R3HDM1: variants seen among roughly 807,000 people sequenced by gnomAD.
R3HDM1 encodes the protein R3H domain-containing protein 1.
Under a neutral mutation model 141.1 loss-of-function variants are expected in R3HDM1, and 46 were observed. The observed-to-expected ratio is 0.33, with a 90% CI of 0.26 to 0.42. The LOEUF is 0.42. Ranked by LOEUF, R3HDM1 falls within the 10% of genes least tolerant of loss-of-function variation. The probability of loss-of-function intolerance (pLI) is 1.00; values close to 1 mark genes in which losing one functional copy is unlikely to be tolerated. For synonymous variants in R3HDM1, 435 were observed against 472.9 expected (o/e 0.92, Z 1.04); for missense variants, 1,184 against 1,368.3 (o/e 0.87, Z 2.12).
chr2:135,569,718 C>CTTTTTTTT lies in R3HDM1; in HGVS notation c.-249-32779_-249-32772dup, dbSNP rs139858819. On this transcript the variant is annotated intron_variant, in intron 1 of 26. Coordinates refer to ENST00000683871, the MANE Select transcript of R3HDM1 (RefSeq NM_001378107.1). ...GAACATACCTTTCATATAGTAAGCT[C>CTTTTTTTT]TTTTTTTTTTGTTGTTGTTTTTTTT... Among the ~76,000 whole-genome samples the CTTTTTTTT allele has an allele frequency of 1.2e-4, 15 of 129,358 alleles. 1 individual carries two copies. The highest frequency in any genetic ancestry group is 4.7e-4 in the African/African-American group (12 of 25,500). 84.9% of individuals were successfully genotyped at this position (129,358 alleles called of 152,430 possible).
chr2:135,683,899 T>C (rs1414262254), intron 21 of R3HDM1, among the ~76,000 whole-genome samples: 1 of 152,030 alleles, frequency 6.6e-6, no homozygotes, highest in Non-Finnish European at 1.5e-5. Flanking sequence ...ATCTAATTAC[T>C]GAAGCACCAG....
intron 1 of R3HDM1, among the ~76,000 whole-genome samples, chr2:135,547,582 C>A (rs990625801): frequency 2.0e-5 from 3 of 151,566 alleles, no homozygotes; most frequent in African/African-American, 7.3e-5. Context: ...TCTTATGTCC[C>A]GCTCACAGGT....
intron 21 of R3HDM1, among the ~76,000 whole-genome samples, chr2:135,684,724 T>C (rs1372607830): frequency 6.6e-6 from 1 of 152,062 alleles, no homozygotes; most frequent in Non-Finnish European, 1.5e-5. Flanking sequence ...GTGGTGAGTT[T>C]TAGTGAAATA....
intron 3 of R3HDM1, 67 bp downstream of exon 3, chr2:135,605,083 A>G: frequency 7.6e-7 from 1 of 1,313,584 alleles, no homozygotes; most frequent in Non-Finnish European, 1.0e-6. Flanking sequence ...TTATTTTCAT[A>G]CAAAACTCAC....
chr2:135,721,637 G>A lies in R3HDM1; in HGVS notation c.2882-287G>A. The A allele has an allele frequency of 1.1e-5, 3 of 265,554 alleles. No individual in the cohort carries two copies. In the South Asian group the frequency reaches 1.7e-4, roughly 15 times the overall value. The allele number at this position is 265,554 out of a possible 1,614,324, so 16.4% of individuals were successfully genotyped here. ...GTCTCTCACTCCGTCACCCAGTCTG[G>A]AATATAGTGGCGCCATCTCAGCTCA... On this transcript the variant is annotated intron_variant, in intron 24 of 26. Transcript: ENST00000683871.
chr2:135,631,963 G>A lies in R3HDM1; in HGVS notation c.660G>A (p.Gly220=), dbSNP rs1315767060. The part of the protein sequence containing the change: ...FGLDHNVDQS[G]KSVIVNKTSN... ...TAGACCACAATGTTGATCAGAGTGG[G>A]AAGTCTGTCATAGTAAACAAAACTA... The change falls in exon 9 of 27, where the codon GGG becomes GGA. Residue 220 remains glycine (G), a synonymous_variant. Coordinates refer to ENST00000683871, the MANE Select transcript of R3HDM1 (RefSeq NM_001378107.1). 1.2e-6 allele frequency: 2 copies of A among 1,611,564 alleles called. No homozygotes were observed. The highest frequency in any genetic ancestry group is 2.7e-5 in the African/African-American group (2 of 74,848).
intron 18 of R3HDM1, among the ~76,000 whole-genome samples, chr2:135,652,432 G>A (rs2065247861): frequency 6.6e-6 from 1 of 152,232 alleles, no homozygotes; most frequent in African/African-American, 2.4e-5. Flanking sequence ...CCTAGGAGTT[G>A]GAGACCAGCC....
chr2:135,633,181 A>G (rs1006870511), intron 9 of R3HDM1, among the ~76,000 whole-genome samples: 3 of 152,182 alleles, frequency 2.0e-5, no homozygotes, highest in African/African-American at 7.2e-5. Flanking sequence ...TTAAATTTTC[A>G]TATCCCTTCG....
At chr2:135,575,300 A>T (rs958077298) in intron 1 of R3HDM1, among the ~76,000 whole-genome samples, 2 of 152,222 alleles carry the variant, frequency 1.3e-5, no homozygotes, top group African/African-American at 4.8e-5. Flanking sequence ...CTTCTGCCTC[A>T]GCCTCCAAAA....
intron 1 of R3HDM1, chr2:135,577,039 C>T: frequency 1.2e-6 from 1 of 818,574 alleles, no homozygotes; most frequent in South Asian, 5.7e-5. Flanking sequence ...TTAGCTGTTA[C>T]AAAAGAAAAA....
chr2:135,580,430 T>C (rs1273791137), intron 1 of R3HDM1, among the ~76,000 whole-genome samples: 1 of 152,210 alleles, frequency 6.6e-6, no homozygotes, highest in Non-Finnish European at 1.5e-5. Flanking sequence ...GTATTTATTA[T>C]TGGTTTTTTT....
At chr2:135,543,472 T>C (rs1202722015) in intron 1 of R3HDM1, among the ~76,000 whole-genome samples, 1 of 152,054 alleles carries the variant, frequency 6.6e-6, no homozygotes, top group Non-Finnish European at 1.5e-5. Context: ...TTTATTATTC[T>C]ATATAGTTTA....
At chr2:135,625,371 G>T (rs1265633355) in intron 7 of R3HDM1, among the ~76,000 whole-genome samples, 1 of 152,032 alleles carries the variant, frequency 6.6e-6, no homozygotes, top group Non-Finnish European at 1.5e-5. Context: ...CTTGAATCTG[G>T]AAGGCAGAGG....
intron 1 of R3HDM1, among the ~76,000 whole-genome samples, chr2:135,588,516 T>A (rs1708463817): frequency 6.6e-6 from 1 of 152,188 alleles, no homozygotes; most frequent in Non-Finnish European, 1.5e-5. Flanking sequence ...AATTTTTTGG[T>A]GAATTAATAA....
At chr2:135,658,691 A>G (rs1359245405) in intron 18 of R3HDM1, among the ~76,000 whole-genome samples, 1 of 152,148 alleles carries the variant, frequency 6.6e-6, no homozygotes, top group Non-Finnish European at 1.5e-5. Context: ...AAACTTTTTA[A>G]TTCTTTTCAC....
At chr2:135,550,324 C>G in intron 1 of R3HDM1, 2 of 741,998 alleles carry the variant, frequency 2.7e-6, no homozygotes, top group Non-Finnish European at 3.3e-6. Context: ...CTTAGGCAAG[C>G]AGCTTTCATA....
At chr2:135,617,040 T>C (rs1179437901) in intron 5 of R3HDM1, among the ~76,000 whole-genome samples, 1 of 152,128 alleles carries the variant, frequency 6.6e-6, no homozygotes, top group African/African-American at 2.4e-5. Context: ...TTAAAAAATG[T>C]TGGTCGGGTG....
chr2:135,539,775 A>ATC (rs1697073970), intron 1 of R3HDM1, among the ~76,000 whole-genome samples: 1 of 152,222 alleles, frequency 6.6e-6, no homozygotes, highest in African/African-American at 2.4e-5. Context: ...AATTTTAATC[A>ATC]TCTGAGCCTT....
chr2:135,626,193 G>A (rs1315599320), intron 7 of R3HDM1, among the ~76,000 whole-genome samples: 2 of 128,204 alleles, frequency 1.6e-5, no homozygotes, highest in Non-Finnish European at 3.1e-5. Flanking sequence ...GCGTGCGTGC[G>A]TGCGTGCGTG....
Sources: allele counts gnomAD v4.1 joint callset (sites outside exome capture counted in the v4.1 genomes callset), GRCh38; gene constraint gnomAD v4.1.1; transcripts MANE v1.5; gene names NCBI Gene and HGNC (gene_info 2026-07-23, HGNC 2026-07-21).